GYPC: variants seen among roughly 807,000 people sequenced by gnomAD.
The protein encoded by GYPC is glycophorin-C.
Under a neutral mutation model 12.6 loss-of-function variants are expected in GYPC, and 14 were observed. The observed-to-expected ratio is 1.11, with a 90% CI of 0.74 to 1.74. GYPC has a LOEUF of 1.74. GYPC is among the 40% of genes most tolerant of loss of function. The probability of loss-of-function intolerance (pLI) is 0.00; values close to 1 mark genes in which losing one functional copy is unlikely to be tolerated. For missense variants in GYPC, 225 were observed against 172.1 expected, an observed-to-expected ratio of 1.31 and a Z score of -1.72; for synonymous variants, 78 against 62.1, an observed-to-expected ratio of 1.26 and a Z score of -1.20.
chr2:126,657,584 G>A (rs1682399836), intron 1 of GYPC: 1 of 152,214 alleles, frequency 6.6e-6, no homozygotes, highest in Non-Finnish European at 1.5e-5. Flanking sequence ...TTGAGCATAT[G>A]TTTATGTGTG....
intron 1 of GYPC, chr2:126,675,720 T>A: frequency 1.0e-6 from 1 of 983,402 alleles, no homozygotes; most frequent in South Asian, 4.7e-5. Flanking sequence ...ATCTTCAGGA[T>A]CCTTCATTGC....
intron 1 of GYPC, among the ~76,000 whole-genome samples, chr2:126,682,280 G>C (rs999553662): frequency 5.9e-5 from 9 of 151,948 alleles, no homozygotes; most frequent in African/African-American, 2.2e-4. Flanking sequence ...GGTCTGGTAG[G>C]TGGATCAGCT....
intron 2 of GYPC, among the ~76,000 whole-genome samples, chr2:126,693,132 T>G (rs28369997): frequency 4.1e-4 from 63 of 152,230 alleles, no homozygotes; most frequent in African/African-American, 1.3e-3. Context: ...GTGGGAGATA[T>G]TTGAGTCACA....
chr2:126,661,281 T>C (rs1160860951), intron 1 of GYPC, among the ~76,000 whole-genome samples: 1 of 152,086 alleles, frequency 6.6e-6, no homozygotes, highest in Non-Finnish European at 1.5e-5. Context: ...CCCCCAGCTG[T>C]AGATGGGGGC....
chr2:126,696,663 A>C lies in GYPC; in HGVS notation c.*521A>C. ...CGATTGGAAATAAATTTGAAATGTA[A>C]CCGAGCATTCCGAGTCCAACAGTAT... On this transcript the variant is annotated 3_prime_UTR_variant, in exon 4 of 4. Coordinates refer to ENST00000259254, the MANE Select transcript of GYPC (RefSeq NM_002101.5). 1 of 222,852 alleles carries C rather than the reference A, an allele frequency of 4.5e-6. No individual in the cohort carries two copies. Among genetic ancestry groups the C allele is most frequent in the Non-Finnish European group, 9.0e-6 (1 of 110,786 alleles). The allele number at this position is 222,852 out of a possible 1,614,324, so 13.8% of individuals were successfully genotyped here.
intron 1 of GYPC, among the ~76,000 whole-genome samples, chr2:126,673,309 C>T (rs748273451): frequency 6.6e-6 from 1 of 152,156 alleles, no homozygotes; most frequent in African/African-American, 2.4e-5. Context: ...GGGCATCTGT[C>T]TGTACTTGGA....
At chr2:126,679,401 G>C (rs374104913) in intron 1 of GYPC, among the ~76,000 whole-genome samples, 2 of 152,134 alleles carry the variant, frequency 1.3e-5, no homozygotes, top group African/African-American at 4.8e-5. Context: ...ACTATTGAGC[G>C]ACTTAGAGAA....
At chr2:126,673,961 C>T (rs1207523746) in intron 1 of GYPC, among the ~76,000 whole-genome samples, 4 of 152,188 alleles carry the variant, frequency 2.6e-5, no homozygotes. Flanking sequence ...CCTTCCAGAG[C>T]AGGACTGTGG....
chr2:126,693,609 G>T (rs970879838), intron 2 of GYPC, among the ~76,000 whole-genome samples: 1 of 152,188 alleles, frequency 6.6e-6, no homozygotes, highest in Non-Finnish European at 1.5e-5. Context: ...GCATTAGGCA[G>T]ATAACTCAAA....
At chr2:126,690,171 G>A in intron 1 of GYPC, 84 bp from the exon 2 acceptor site, 7 of 985,574 alleles carry the variant, frequency 7.1e-6, no homozygotes, top group Non-Finnish European at 8.2e-6. Context: ...TCACACCTGA[G>A]CAAAGGATGC....
rs772167890 is a variant in GYPC at position 126,696,064 on chromosome 2, G to C, written c.309G>C (p.Glu103Asp). Residue 103 changes from glutamate to aspartate, a missense_variant, in exon 4 of 4, where the codon GAG (glutamate) becomes GAC (aspartate). Coordinates refer to ENST00000259254, the MANE Select transcript of GYPC (RefSeq NM_002101.5). ...AGGCCAAGGGCACGGAGTTTGCTGA[G>C]AGTGCAGATGCAGCCCTGCAGGGAG... ...TNEAKGTEFA[E>D]SADAALQGDP... 1 of 1,614,172 alleles carries C rather than the reference G, an allele frequency of 6.2e-7. No individual in the cohort carries two copies. Among genetic ancestry groups the C allele is most frequent in the Non-Finnish European group, 8.5e-7 (1 of 1,179,970 alleles).
At chr2:126,686,423 G>A (rs1683290815) in intron 1 of GYPC, 3 of 985,470 alleles carry the variant, frequency 3.0e-6, no homozygotes, top group Non-Finnish European at 3.6e-6. Flanking sequence ...AGGACATAGA[G>A]AGTTAGTAGG....
intron 1 of GYPC, among the ~76,000 whole-genome samples, chr2:126,661,392 G>T (rs1308757454): frequency 6.6e-6 from 1 of 151,922 alleles, no homozygotes; most frequent in African/African-American, 2.4e-5. Context: ...CTATGGAATT[G>T]CATTCTAGTC....
At chr2:126,663,082 G>A (rs1017843407) in intron 1 of GYPC, among the ~76,000 whole-genome samples, 1 of 152,166 alleles carries the variant, frequency 6.6e-6, no homozygotes, top group African/African-American at 2.4e-5. Context: ...TCTGTCCCCA[G>A]GCTGGAGTGC....
chr2:126,682,522 T>C (rs1683177549), intron 1 of GYPC, among the ~76,000 whole-genome samples: 1 of 152,172 alleles, frequency 6.6e-6, no homozygotes, highest in African/African-American at 2.4e-5. Context: ...AGAGCCTGGT[T>C]GCCGCTCACT....
chr2:126,685,831 G>A (rs1295401313), intron 1 of GYPC: 70 of 985,086 alleles, frequency 7.1e-5, no homozygotes, highest in Non-Finnish European at 8.4e-5. Context: ...ATTGCAGGAA[G>A]TCTCCAAGGA....
chr2:126,664,776 G>A (rs1401891150), intron 1 of GYPC, among the ~76,000 whole-genome samples: 1 of 152,158 alleles, frequency 6.6e-6, no homozygotes, highest in Admixed American at 6.5e-5. Flanking sequence ...TTGCTCCCAG[G>A]GCTCTGATCC....
At chr2:126,657,051 G>A (rs979536744) in intron 1 of GYPC, among the ~76,000 whole-genome samples, 2 of 152,140 alleles carry the variant, frequency 1.3e-5, no homozygotes, top group South Asian at 2.1e-4. Context: ...ACCCTGCCGC[G>A]GTCTGATTCT....
chr2:126,669,937 G>A lies in GYPC; in HGVS notation c.49+13625G>A, dbSNP rs10496657. On this transcript the variant is annotated intron_variant, in intron 1 of 3. Transcript: ENST00000259254. ...CAACATCCCAGAGGCACAATTATCT[G>A]AGTTTCTGGCCACATCTCGTCTTCC... 6.5e-3 allele frequency among the ~76,000 whole-genome samples: 996 copies of A among 152,266 alleles called. 11 individuals are homozygous for A. Among genetic ancestry groups the A allele is most frequent in the African/African-American group, 0.022 (918 of 41,534 alleles).
Sources: allele counts gnomAD v4.1 joint callset (sites outside exome capture counted in the v4.1 genomes callset), GRCh38; gene constraint gnomAD v4.1.1; transcripts MANE v1.5; gene names NCBI Gene and HGNC (gene_info 2026-07-23, HGNC 2026-07-21).